TDRD7: variants seen among roughly 807,000 people sequenced by gnomAD.
TDRD7 encodes the protein tudor domain-containing protein 7.
A neutral mutation model predicts 109.8 loss-of-function variants in TDRD7; 47 were observed. That is an observed-to-expected ratio of 0.43 (90% CI 0.34 to 0.55). The LOEUF is 0.55. Ranked by LOEUF, TDRD7 falls within the 20% of genes least tolerant of loss-of-function variation. The pLI is 0.03. For synonymous variants in TDRD7, 424 were observed against 457.3 expected, an observed-to-expected ratio of 0.93 and a Z score of 0.93; for missense variants, 1,164 against 1,319.2, an observed-to-expected ratio of 0.88 and a Z score of 1.82.
chr9:97,483,381 A>C (rs1829156353), intron 15 of TDRD7, 30 bp downstream of exon 15: 1 of 1,609,716 alleles, frequency 6.2e-7, no homozygotes, highest in Admixed American at 1.7e-5. Flanking sequence ...ATTTTATTCT[A>C]CTCCTAAGAA....
chr9:97,424,870 C>CT lies in TDRD7; in HGVS notation c.-6-3589dup, dbSNP rs547627793. 9.9e-5 allele frequency among the ~76,000 whole-genome samples: 15 copies of CT among 151,644 alleles called. No homozygotes were observed. In the South Asian group the frequency reaches 2.3e-3, roughly 23 times the overall value. ...CCCTTTTTTTTCTCCTTTTTCCTGT[C>CT]TAATTTTTTTTAACTTCTGCTTGCA... is the stretch of plus-strand genomic sequence containing the variant. On this transcript the variant is annotated intron_variant, in intron 1 of 16. Coordinates refer to ENST00000355295, the MANE Select transcript of TDRD7 (RefSeq NM_014290.3).
At chr9:97,441,996 A>C in intron 6 of TDRD7, 121 bp downstream of exon 6, 1 of 795,158 alleles carries the variant, frequency 1.3e-6, no homozygotes. Context: ...ATGTTACCTC[A>C]TTAATCTTTA....
chr9:97,494,183 G>C (rs1564219651), intron 16 of TDRD7, among the ~76,000 whole-genome samples: 1 of 152,194 alleles, frequency 6.6e-6, no homozygotes, highest in Non-Finnish European at 1.5e-5. Context: ...ACAGGAGTAA[G>C]AAATTATAAA....
chr9:97,437,189 A>C (rs1369566322), intron 4 of TDRD7, among the ~76,000 whole-genome samples: 2 of 152,194 alleles, frequency 1.3e-5, no homozygotes, highest in Non-Finnish European at 2.9e-5. Flanking sequence ...GTCAGGAAGG[A>C]AGACACGGTC....
chr9:97,418,152 A>G lies in TDRD7; in HGVS notation c.-7+5914A>G, dbSNP rs537838123. Among the ~76,000 whole-genome samples, 46 of 152,314 alleles carry G rather than the reference A, an allele frequency of 3.0e-4. 1 individual carries two copies. Among genetic ancestry groups the G allele is most frequent in the African/African-American group, 1.1e-3 (45 of 41,584 alleles). On this transcript the variant is annotated intron_variant, in intron 1 of 16. Transcript: ENST00000355295. ...GGAAAAATAAAGGGGGAGTGAAAGT[A>G]GGAAGTATGTGTGTGGCATAAGCTT...
At position 97,457,375 on chromosome 9, in the gene TDRD7, A is replaced by AAT. The variant is rs1304368918; in HGVS notation, c.856-2792_856-2791dup. On this transcript the variant is annotated intron_variant, in intron 6 of 16. Transcript: ENST00000355295. The stretch of plus-strand genomic sequence containing the variant: ...CTATAAAGACACACACACACACACA[A>AAT]ATATATATATATTTTTTTTTTGAGA... 3.3e-5 allele frequency among the ~76,000 whole-genome samples: 5 copies of AAT among 149,406 alleles called. No homozygotes were observed. The East Asian group carries it at 5.8e-4, about 17-fold the overall frequency.
At chr9:97,417,030 G>T (rs939081312) in intron 1 of TDRD7, among the ~76,000 whole-genome samples, 2 of 152,192 alleles carry the variant, frequency 1.3e-5, no homozygotes, top group African/African-American at 2.4e-5. Flanking sequence ...GGTGGCCAGA[G>T]AAGGCCTTAC....
At position 97,470,653 on chromosome 9, in the gene TDRD7, A is replaced by G. The variant is rs1373756992; in HGVS notation, c.1725A>G (p.Thr575=). The G allele has an allele frequency of 1.7e-5, 28 of 1,613,650 alleles. No homozygotes were observed. Among genetic ancestry groups the G allele is most frequent in the Non-Finnish European group, 2.2e-5 (26 of 1,179,786 alleles). The change falls in exon 9 of 17, where the codon ACA becomes ACG. Residue 575 remains threonine (T), a synonymous_variant. Transcript: ENST00000355295. ...TTTGTTCACTCTCATTTCAAGCTAC[A>G]AAATGTAAGCTTGCAGGTAAGAGGA... ...PKFCSLSFQA[T]KCKLAGLEVL... is the part of the protein sequence containing the mutation.
intron 2 of TDRD7, 103 bp downstream of exon 2, chr9:97,428,775 T>A: frequency 9.1e-7 from 1 of 1,096,160 alleles, no homozygotes; most frequent in Non-Finnish European, 1.4e-6. Context: ...GTGAAAGTAC[T>A]AGCTTAGTTG....
At chr9:97,488,694 C>T (rs1476210714) in intron 16 of TDRD7, among the ~76,000 whole-genome samples, 1 of 152,106 alleles carries the variant, frequency 6.6e-6, no homozygotes, top group African/African-American at 2.4e-5. Flanking sequence ...CCATCATCCC[C>T]ATCACCAGCA....
intron 1 of TDRD7, among the ~76,000 whole-genome samples, chr9:97,423,824 G>A (rs1010894814): frequency 6.6e-6 from 1 of 152,022 alleles, no homozygotes; most frequent in South Asian, 2.1e-4. Flanking sequence ...ATATCTTTGT[G>A]TTAGTGATAC....
At chr9:97,416,483 G>A (rs182950094) in intron 1 of TDRD7, among the ~76,000 whole-genome samples, 371 of 152,260 alleles carry the variant, frequency 2.4e-3, no homozygotes, top group African/African-American at 8.6e-3. Flanking sequence ...AGGACTATAA[G>A]TACATGTGAG....
intron 6 of TDRD7, among the ~76,000 whole-genome samples, chr9:97,447,276 G>A (rs190470360): frequency 6.7e-4 from 102 of 152,214 alleles, no homozygotes; most frequent in African/African-American, 2.4e-3. Context: ...TCATTTCTTA[G>A]CTGTATACCT....
chr9:97,420,364 T>TGGGGGGGGGG (rs34308257), intron 1 of TDRD7, among the ~76,000 whole-genome samples: 2 of 66,882 alleles, frequency 3.0e-5, no homozygotes, highest in Admixed American at 1.7e-4. Context: ...AACTTTTTTT[T>TGGGGGGGGGG]GGGGGGGGCG....
chr9:97,435,892 T>G (rs901380058), intron 4 of TDRD7, among the ~76,000 whole-genome samples: 3 of 152,166 alleles, frequency 2.0e-5, no homozygotes, highest in African/African-American at 7.2e-5. Flanking sequence ...TGAAGGACAC[T>G]TAAACTTTTT....
intron 8 of TDRD7, among the ~76,000 whole-genome samples, chr9:97,465,947 C>T (rs1485585499): frequency 6.6e-6 from 1 of 152,062 alleles, no homozygotes; most frequent in Non-Finnish European, 1.5e-5. Flanking sequence ...GACCCTAGTT[C>T]CCCACTTCTA....
intron 4 of TDRD7, among the ~76,000 whole-genome samples, chr9:97,438,041 T>G (rs1212912764): frequency 6.6e-6 from 1 of 152,168 alleles, no homozygotes; most frequent in East Asian, 1.9e-4. Flanking sequence ...TTTGCTCATA[T>G]CCCTCTACCT....
chr9:97,481,686 T>C (rs1829119353), intron 14 of TDRD7, among the ~76,000 whole-genome samples: 1 of 152,220 alleles, frequency 6.6e-6, no homozygotes, highest in Non-Finnish European at 1.5e-5. Context: ...TACTATTCCA[T>C]ATTCTTCAGT....
In TDRD7 at chr9:97,439,259, C is replaced by T. The variant is rs770950535; in HGVS notation, c.578C>T (p.Ala193Val). 2.4e-5 allele frequency: 39 copies of T among 1,599,830 alleles called. No individual in the cohort carries two copies. Among genetic ancestry groups the T allele is most frequent in the East Asian group, 1.8e-4 (8 of 44,786 alleles). ...TAATATCTTAGGTTTAGCCCAAAGG[C>T]GTCCCTTCAACCACCTTTGCAGATG... ...MSTNNRFSPK[A>V]SLQPPLQMHL... The change falls in exon 5 of 17, where the codon GCG (alanine) becomes GTG (valine). Residue 193 changes from alanine (A) to valine (V), a missense_variant. By Grantham distance (64) the Ala-to-Val change is moderately conservative. Coordinates refer to ENST00000355295, the MANE Select transcript of TDRD7 (RefSeq NM_014290.3).
Sources: gnomAD v4.1 joint callset for allele counts (sites outside exome capture counted in the v4.1 genomes callset) on GRCh38, gnomAD v4.1.1 for gene constraint, MANE v1.5 for transcripts, NCBI Gene and HGNC (gene_info 2026-07-23, HGNC 2026-07-21) for gene names.